The following HPSE2 variants were observed in gnomAD, a reference collection of about 807,000 sequenced individuals.
HPSE2 encodes the protein heparanase 2 (inactive).
A neutral mutation model predicts 60.5 loss-of-function variants in HPSE2; 38 were observed. That is an observed-to-expected ratio of 0.63 (90% CI 0.48 to 0.82). The LOEUF (loss-of-function observed/expected upper bound fraction) is 0.82, where lower values mean the gene tolerates loss of function less well. Ranked by LOEUF, HPSE2 falls within the 40% of genes least tolerant of loss-of-function variation. The probability of loss-of-function intolerance (pLI) is 0.00; values close to 1 mark genes in which losing one functional copy is unlikely to be tolerated. For missense variants in HPSE2, 713 were observed against 740.4 expected, an observed-to-expected ratio of 0.96 and a Z score of 0.43; for synonymous variants, 295 against 293.2, an observed-to-expected ratio of 1.01 and a Z score of -0.06.
At chr10:98,561,058 C>T (rs1944161671) in intron 9 of HPSE2, among the ~76,000 whole-genome samples, 1 of 151,992 alleles carries the variant, frequency 6.6e-6, no homozygotes, top group African/African-American at 2.4e-5. Context: ...GGAGGTATTC[C>T]AGAAGAAAGC....
At chr10:98,927,300 G>A (rs1307756562) in intron 3 of HPSE2, among the ~76,000 whole-genome samples, 2 of 151,998 alleles carry the variant, frequency 1.3e-5, no homozygotes, top group East Asian at 1.9e-4. Flanking sequence ...TGTATTGGGT[G>A]CATATATATT....
chr10:98,481,634 T>C (rs542347036), intron 11 of HPSE2, among the ~76,000 whole-genome samples: 23 of 152,296 alleles, frequency 1.5e-4, no homozygotes, highest in African/African-American at 5.5e-4. Flanking sequence ...ACTCAATAAG[T>C]GACTTCCCAG....
At chr10:98,546,671 T>G (rs1215307610) in intron 9 of HPSE2, among the ~76,000 whole-genome samples, 2 of 151,388 alleles carry the variant, frequency 1.3e-5, no homozygotes, top group Non-Finnish European at 3.0e-5. Context: ...GATTAAAGAC[T>G]TACATGTTAG....
intron 3 of HPSE2, among the ~76,000 whole-genome samples, chr10:98,993,068 G>A (rs772924612): frequency 6.6e-6 from 1 of 152,124 alleles, no homozygotes; most frequent in Non-Finnish European, 1.5e-5. Flanking sequence ...TTAGCGCCAT[G>A]GTCCCTCCAT....
chr10:99,208,739 A>T (rs1027559363), intron 2 of HPSE2, among the ~76,000 whole-genome samples: 6 of 152,156 alleles, frequency 3.9e-5, no homozygotes, highest in Non-Finnish European at 8.8e-5. Flanking sequence ...ATTTAAAAAA[A>T]TACTCAACTA....
chr10:98,812,831 G>GCT (rs2134577642), intron 3 of HPSE2, among the ~76,000 whole-genome samples: 1 of 152,018 alleles, frequency 6.6e-6, no homozygotes, highest in Admixed American at 6.5e-5. Context: ...TTCCATAAAA[G>GCT]CTTTTTTACA....
chr10:98,570,385 C>G (rs1480571928), intron 9 of HPSE2, among the ~76,000 whole-genome samples: 2 of 151,472 alleles, frequency 1.3e-5, no homozygotes, highest in East Asian at 3.9e-4. Context: ...GTCTTCTCTT[C>G]TTTAAGACAA....
chr10:98,973,025 T>C (rs1955997074), intron 3 of HPSE2, among the ~76,000 whole-genome samples: 1 of 152,162 alleles, frequency 6.6e-6, no homozygotes, highest in African/African-American at 2.4e-5. Context: ...CACTATTATG[T>C]TGAACTGCTT....
chr10:98,471,661 C>T (rs576377157), intron 11 of HPSE2, among the ~76,000 whole-genome samples: 181 of 152,104 alleles, frequency 1.2e-3, no homozygotes, highest in African/African-American at 4.0e-3. Context: ...TGCCCCCTCC[C>T]GCTTGTACCT....
chr10:98,872,244 C>A (rs1326350456), intron 3 of HPSE2, among the ~76,000 whole-genome samples: 1 of 152,004 alleles, frequency 6.6e-6, no homozygotes. Context: ...AGGAACGGAA[C>A]ACAAGGACAT....
chr10:98,894,389 C>A (rs1047708089), intron 3 of HPSE2, among the ~76,000 whole-genome samples: 1 of 152,034 alleles, frequency 6.6e-6, no homozygotes, highest in Non-Finnish European at 1.5e-5. Context: ...ACTTTAAACA[C>A]TGAAATAATG....
intron 3 of HPSE2, among the ~76,000 whole-genome samples, chr10:98,750,446 C>A (rs1949733463): frequency 6.6e-6 from 1 of 152,140 alleles, no homozygotes; most frequent in Non-Finnish European, 1.5e-5. Context: ...AATCATCACT[C>A]TGGCTGCTGA....
At chr10:99,232,076 C>A (rs187693328) in intron 2 of HPSE2, among the ~76,000 whole-genome samples, 1 of 152,158 alleles carries the variant, frequency 6.6e-6, no homozygotes, top group Admixed American at 6.5e-5. Flanking sequence ...TGGGTGAGAA[C>A]AACCTGGAGA....
intron 3 of HPSE2, among the ~76,000 whole-genome samples, chr10:98,994,438 C>T (rs925727525): frequency 1.3e-5 from 2 of 152,172 alleles, no homozygotes; most frequent in Non-Finnish European, 2.9e-5. Context: ...CTCAAAATGG[C>T]TCCTTGGGCC....
At chr10:98,498,318 A>T (rs774088261) in intron 9 of HPSE2, among the ~76,000 whole-genome samples, 1 of 152,200 alleles carries the variant, frequency 6.6e-6, no homozygotes, top group African/African-American at 2.4e-5. Flanking sequence ...TTCCCATCAC[A>T]GGACTCTGCA....
chr10:98,522,935 T>C (rs898018956), intron 9 of HPSE2, among the ~76,000 whole-genome samples: 1 of 152,158 alleles, frequency 6.6e-6, no homozygotes, highest in African/African-American at 2.4e-5. Context: ...AACTGGATCA[T>C]TCCCAAGAGA....
At chr10:99,160,465 A>G (rs922900654) in intron 2 of HPSE2, among the ~76,000 whole-genome samples, 2 of 152,184 alleles carry the variant, frequency 1.3e-5, no homozygotes, top group Non-Finnish European at 2.9e-5. Context: ...GCCCTCACAC[A>G]TTGCTGGTGG....
At chr10:98,782,578 G>A (rs1284199528) in intron 3 of HPSE2, among the ~76,000 whole-genome samples, 5 of 121,302 alleles carry the variant, frequency 4.1e-5, no homozygotes. Flanking sequence ...TCAAGACTGT[G>A]TTAGAGAAGA....
intron 3 of HPSE2, among the ~76,000 whole-genome samples, chr10:98,989,742 T>G (rs1956477713): frequency 6.6e-6 from 1 of 152,176 alleles, no homozygotes; most frequent in Non-Finnish European, 1.5e-5. Flanking sequence ...TTTCATGGCC[T>G]TTTTTGGATA....
Sources: gnomAD v4.1 joint callset for allele counts (sites outside exome capture counted in the v4.1 genomes callset) on GRCh38, gnomAD v4.1.1 for gene constraint, MANE v1.5 for transcripts, NCBI Gene and HGNC (gene_info 2026-07-23, HGNC 2026-07-21) for gene names.